The following ZNF280B variants were observed in gnomAD, a reference collection of about 807,000 sequenced individuals.
ZNF280B encodes suppressor of hairy wing homolog 2.
A neutral mutation model predicts 38.0 loss-of-function variants in ZNF280B; 16 were observed. That is an observed-to-expected ratio of 0.42 (90% CI 0.28 to 0.64). The LOEUF is 0.64. Ranked by LOEUF, ZNF280B falls within the 30% of genes least tolerant of loss-of-function variation. The probability of loss-of-function intolerance (pLI) is 0.21; values close to 1 mark genes in which losing one functional copy is unlikely to be tolerated. For synonymous variants in ZNF280B, 253 were observed against 230.6 expected (o/e 1.10, Z -0.88); for missense variants, 581 against 639.6 (o/e 0.91, Z 0.99).
intron 2 of ZNF280B, among the ~76,000 whole-genome samples, chr22:22,496,660 A>C (rs1349261135): frequency 6.6e-6 from 1 of 151,592 alleles, no homozygotes; most frequent in Non-Finnish European, 1.5e-5. Context: ...TTTGAGAAAG[A>C]AGCAGTGGGG....
chr22:22,488,895 A>G lies in ZNF280B; in HGVS notation c.504T>C (p.Ser168=), dbSNP rs2061540051. 6.2e-7 allele frequency: 1 copy of G among 1,613,590 alleles called. No homozygotes were observed. The highest frequency in any genetic ancestry group is 8.5e-7 in the Non-Finnish European group (1 of 1,179,986). Residue 168 remains serine, a synonymous_variant, in exon 4 of 4, where the codon AGT becomes AGC. Coordinates refer to ENST00000626650, the MANE Select transcript of ZNF280B (RefSeq NM_080764.4). The part of the protein sequence containing the change: ...TALSVGGINE[S]PRVSKQLSTF... ...TGGAAAGTTGCTTTGATACACGAGGACTTTCATTTATACCTCCTACTGAAA... is the reference window on the plus strand; with the variant it reads ...TGGAAAGTTGCTTTGATACACGAGGGCTTTCATTTATACCTCCTACTGAAA...
intron 2 of ZNF280B, among the ~76,000 whole-genome samples, chr22:22,503,654 T>G (rs2061872658): frequency 1.3e-5 from 2 of 152,092 alleles, no homozygotes; most frequent in South Asian, 4.1e-4. Flanking sequence ...TACCAAGGAC[T>G]TGGAAGACCA....
intron 2 of ZNF280B, among the ~76,000 whole-genome samples, chr22:22,507,266 T>C (rs2061957640): frequency 2.6e-5 from 4 of 152,010 alleles, no homozygotes; most frequent in Admixed American, 1.3e-4. Flanking sequence ...TAAGCCACTC[T>C]TGGATTCCAG....
intron 2 of ZNF280B, among the ~76,000 whole-genome samples, chr22:22,496,366 G>A (rs1464113753): frequency 6.6e-6 from 1 of 151,798 alleles, no homozygotes; most frequent in Non-Finnish European, 1.5e-5. Context: ...CAAAAGTGCT[G>A]GGATTACAGG....
chr22:22,486,845 C>T lies in ZNF280B; in HGVS notation c.*922G>A, dbSNP rs984826879. The T allele has an allele frequency of 6.6e-6, 1 of 151,974 alleles. No individual in the cohort carries two copies. Among genetic ancestry groups the T allele is most frequent in the Non-Finnish European group, 1.5e-5 (1 of 68,028 alleles). 9.4% of individuals were successfully genotyped at this position (151,974 alleles called of 1,614,324 possible). On this transcript the variant is annotated 3_prime_UTR_variant, in exon 4 of 4. Transcript: ENST00000626650. The stretch of plus-strand genomic sequence containing the variant: ...CTTCAACTAGAACAAAGAACCACTG[C>T]TCTCCCTCAACTAACCTCCGCCTTC...
intron 2 of ZNF280B, among the ~76,000 whole-genome samples, chr22:22,499,311 C>A (rs1315927363): frequency 6.6e-6 from 1 of 151,464 alleles, no homozygotes; most frequent in Non-Finnish European, 1.5e-5. Context: ...GTTGCCCAGG[C>A]TGGAGTGAAA....
intron 3 of ZNF280B, among the ~76,000 whole-genome samples, chr22:22,492,092 T>A (rs1601705704): frequency 6.6e-6 from 1 of 151,968 alleles, no homozygotes. Context: ...AATATGTGTA[T>A]CACCTTGGAA....
chr22:22,489,938 T>A (rs890845619), intron 3 of ZNF280B, among the ~76,000 whole-genome samples: 8 of 151,990 alleles, frequency 5.3e-5, no homozygotes, highest in African/African-American at 1.7e-4. Flanking sequence ...AAGCACCACC[T>A]ATTCAATGGC....
rs1366840899 is a variant in ZNF280B, at chr22:22,507,848, T to C, written c.-225A>G. Reference sequence around the variant, plus strand: ...CAACGCAACTTTTAAGAACTTGAGCTATTCCAGGCAGAAGGTCACATCCTT... The same window carrying C: ...CAACGCAACTTTTAAGAACTTGAGCCATTCCAGGCAGAAGGTCACATCCTT... On this transcript the variant is annotated 5_prime_UTR_variant, in exon 2 of 4. It adds an upstream start codon to the 5' untranslated region. Coordinates refer to ENST00000626650, the MANE Select transcript of ZNF280B (RefSeq NM_080764.4). 1.3e-5 allele frequency: 2 copies of C among 152,126 alleles called. No individual in the cohort carries two copies. The highest frequency in any genetic ancestry group is 2.9e-5 in the Non-Finnish European group (2 of 68,008). The allele number at this position is 152,126 out of a possible 1,614,324, so 9.4% of individuals were successfully genotyped here.
intron 2 of ZNF280B, among the ~76,000 whole-genome samples, chr22:22,496,297 C>A (rs191994637): frequency 1.3e-5 from 2 of 151,070 alleles, no homozygotes; most frequent in Admixed American, 1.3e-4. Flanking sequence ...GGGGTTTCCC[C>A]ATGTTGTCCA....
Position 22,488,920 on chromosome 22 carries a change from A to T in ZNF280B, c.479T>A (p.Leu160His). Reference protein sequence around the residue: ...DSLHHPVSTALSVGGINESPR... With the variant: ...DSLHHPVSTAHSVGGINESPR... ...ACTTTCATTTATACCTCCTACTGAA[A>T]GTGCTGTACTTACTGGATGATGCAA... The change falls in exon 4 of 4, where the codon CTT (leucine) becomes CAT (histidine). Residue 160 changes from leucine to histidine, a missense_variant. By Grantham distance (99) the Leu-to-His change is moderately conservative. Transcript: ENST00000626650. The T allele has an allele frequency of 6.2e-7, 1 of 1,613,800 alleles. No individual in the cohort carries two copies. Among genetic ancestry groups the T allele is most frequent in the South Asian group, 1.1e-5 (1 of 91,068 alleles).
At position 22,487,659 on chromosome 22, in the gene ZNF280B, G is replaced by T; in HGVS notation, c.*108C>A. ...TTAAAAAGTCATATATAATCCACTAGTTTCACTATTTTTGGTGCTACTGAA... is the reference window on the plus strand; with the variant it reads ...TTAAAAAGTCATATATAATCCACTATTTTCACTATTTTTGGTGCTACTGAA... On this transcript the variant is annotated 3_prime_UTR_variant, in exon 4 of 4. Transcript: ENST00000626650. 1 of 862,094 alleles carries T rather than the reference G, an allele frequency of 1.2e-6. No individual in the cohort carries two copies. The highest frequency in any genetic ancestry group is 1.8e-6 in the Non-Finnish European group (1 of 566,652). The allele number at this position is 862,094 out of a possible 1,614,324, so 53.4% of individuals were successfully genotyped here.
At chr22:22,506,089 G>A (rs2061933181) in intron 2 of ZNF280B, among the ~76,000 whole-genome samples, 1 of 151,900 alleles carries the variant, frequency 6.6e-6, no homozygotes, top group Non-Finnish European at 1.5e-5. Flanking sequence ...GTGAAGGAGA[G>A]GAGGAGGACA....
chr22:22,488,427 G>C lies in ZNF280B; in HGVS notation c.972C>G (p.His324Gln). ...KVLKNVKFMNHVKHHLEFEKQ... is the reference protein window; with the variant it reads ...KVLKNVKFMNQVKHHLEFEKQ... ...TCTCAAATTCCAAATGATGCTTCAC[G>C]TGATTCATAAACTTAACATTTTTTA... Residue 324 changes from histidine to glutamine, a missense_variant, in exon 4 of 4, where the codon CAC becomes CAG. Physicochemically the swap from His to Gln is conservative, Grantham distance 24. Coordinates refer to ENST00000626650, the MANE Select transcript of ZNF280B (RefSeq NM_080764.4). 1 of 1,613,844 alleles carries C rather than the reference G, an allele frequency of 6.2e-7. No individual in the cohort carries two copies.
Position 22,488,686 on chromosome 22 carries a change from G to C in ZNF280B, c.713C>G (p.Ala238Gly). The change falls in exon 4 of 4, where the codon GCT (alanine) becomes GGT (glycine). Residue 238 changes from alanine (A) to glycine (G), a missense_variant. Ala to Gly is a moderately conservative substitution (Grantham distance 60). Coordinates refer to ENST00000626650, the MANE Select transcript of ZNF280B (RefSeq NM_080764.4). ...GAAATGGATATTGTCCTTTGGAAAA[G>C]CTGCTGGAAAAGGTGCTCCATTCTG... ...HVQNGAPFPA[A>G]FPKDNIHFKP... 1 of 1,613,714 alleles carries C rather than the reference G, an allele frequency of 6.2e-7. No individual in the cohort carries two copies. Among genetic ancestry groups the C allele is most frequent in the Non-Finnish European group, 8.5e-7 (1 of 1,179,832 alleles).
intron 2 of ZNF280B, among the ~76,000 whole-genome samples, chr22:22,502,949 G>A (rs533905176): frequency 5.3e-5 from 8 of 151,926 alleles, no homozygotes; most frequent in Non-Finnish European, 1.0e-4. Context: ...GAGAAGCAGA[G>A]GGAGATTTCA....
intron 2 of ZNF280B, among the ~76,000 whole-genome samples, chr22:22,494,512 A>G (rs977869310): frequency 1.3e-5 from 2 of 151,856 alleles, no homozygotes; most frequent in Admixed American, 6.6e-5. Context: ...ATGAATGCTT[A>G]TTTTCCAATT....
Position 22,487,799 on chromosome 22 carries a change from A to G in ZNF280B, c.1600T>C (p.Ser534Pro), listed in dbSNP as rs1430348133. 1.3e-6 allele frequency: 2 copies of G among 1,592,114 alleles called. No homozygotes were observed. The highest frequency in any genetic ancestry group is 1.7e-6 in the Non-Finnish European group (2 of 1,171,906). The change falls in exon 4 of 4, where the codon TCT becomes CCT. Residue 534 changes from serine to proline, a missense_variant. Coordinates refer to ENST00000626650, the MANE Select transcript of ZNF280B (RefSeq NM_080764.4). ...TSDSEPSLPR[S>P]KSKISKKSH Reference sequence around the variant, plus strand: ...GACTTTTTTGAAATTTTGCTTTTAGACCTGGGGAGTGATGGTTCAGAGTCA... The same window carrying G: ...GACTTTTTTGAAATTTTGCTTTTAGGCCTGGGGAGTGATGGTTCAGAGTCA...
At chr22:22,497,007 G>A (rs1476870567) in intron 2 of ZNF280B, among the ~76,000 whole-genome samples, 9 of 149,948 alleles carry the variant, frequency 6.0e-5, no homozygotes, top group Admixed American at 2.0e-4. Context: ...TAGTAGCGAC[G>A]GGGTTTGATC....
Sources: gnomAD v4.1 joint callset for allele counts (sites outside exome capture counted in the v4.1 genomes callset) on GRCh38, gnomAD v4.1.1 for gene constraint, MANE v1.5 for transcripts, NCBI Gene and HGNC (gene_info 2026-07-23, HGNC 2026-07-21) for gene names.